TENM1: variants seen among roughly 807,000 people sequenced by gnomAD.
TENM1 encodes teneurin-1.
In TENM1, 35 loss-of-function variants were observed where a neutral mutation model predicts 174.8. That is an observed-to-expected ratio of 0.20 (90% confidence interval 0.15 to 0.27). TENM1 has a LOEUF of 0.27. Among genes scored for constraint, TENM1 ranks in the 10% least tolerant of loss-of-function variants. The pLI, the probability that TENM1 is intolerant of heterozygous loss-of-function variation, is 1.00. For missense variants in TENM1, 1,633 were observed against 2,130.1 expected (o/e 0.77, Z 4.59); for synonymous variants, 781 against 798.7 (o/e 0.98, Z 0.37).
At chrX:124,548,450 T>C (rs1044170604) in intron 14 of TENM1, among the ~76,000 whole-genome samples, 9 of 111,629 alleles carry the variant, frequency 8.1e-5, no homozygotes, top group African/African-American at 2.9e-4. Context: ...CTAACTCTTA[T>C]ACTAGCAAAA....
rs759103048 is a variant in TENM1 at position 124,944,025 on chromosome X, G to T, written c.217+19512C>A. Among the ~76,000 whole-genome samples, 39 of 111,553 alleles carry T rather than the reference G, an allele frequency of 3.5e-4. 1 individual carries two copies. The South Asian group carries it at 0.014, about 41-fold the overall frequency. On this transcript the variant is annotated intron_variant, in intron 1 of 31. Coordinates refer to ENST00000422452, the Ensembl canonical transcript of TENM1. ...TTGATCATTACAATTATCTGAATTT[G>T]CATTTCTAGAATTTCACTGAAAGAA... is the stretch of plus-strand genomic sequence containing the variant.
chrX:125,031,374 G>A, the TENM1 span, among the ~76,000 whole-genome samples: 2 of 111,225 alleles, frequency 1.8e-5, no homozygotes, highest in African/African-American at 6.5e-5. Context: ...TTTCTTTTCT[G>A]GTTATCTTAA....
Position 124,424,881 on chromosome X carries a change from A to G in TENM1, c.4105-2243T>C, listed in dbSNP as rs1470375646. Among the ~76,000 whole-genome samples the G allele has an allele frequency of 9.4e-4, 104 of 110,835 alleles. 1 individual carries two copies. The Admixed American group carries it at 9.9e-3, about 11-fold the overall frequency. ...TCCCCTTCACCTTGGCTATGACTGT[A>G]AGTTTCCTGAGGCCTCCCTAAAAGC... On this transcript the variant is annotated intron_variant, in intron 23 of 31. Coordinates refer to ENST00000422452, the Ensembl canonical transcript of TENM1.
intron 11 of TENM1, among the ~76,000 whole-genome samples, chrX:124,573,464 T>C (rs1362933301): frequency 8.9e-6 from 1 of 111,923 alleles, no homozygotes; most frequent in Non-Finnish European, 1.9e-5. Context: ...CTGTTCATTA[T>C]GTTATCTTAC....
the TENM1 span, among the ~76,000 whole-genome samples, chrX:125,194,495 G>A: frequency 2.1e-4 from 23 of 111,156 alleles, no homozygotes; most frequent in African/African-American, 6.9e-4. Flanking sequence ...CTAACACAAG[G>A]TTGATTCACC....
chrX:124,716,763 A>G (rs2053192419), intron 4 of TENM1, among the ~76,000 whole-genome samples: 1 of 111,586 alleles, frequency 9.0e-6, no homozygotes, highest in Non-Finnish European at 1.9e-5. Context: ...GGTACACGCC[A>G]CTGGAAAAGG....
intron 3 of TENM1, among the ~76,000 whole-genome samples, chrX:124,809,017 T>C (rs561584433): frequency 9.1e-6 from 1 of 110,252 alleles, no homozygotes; most frequent in Middle Eastern, 4.7e-3. Context: ...TAAAAACAAC[T>C]GAAAAGATGA....
chrX:124,731,043 C>G (rs2053553326), intron 4 of TENM1, among the ~76,000 whole-genome samples: 1 of 110,366 alleles, frequency 9.1e-6, no homozygotes, highest in South Asian at 3.9e-4. Flanking sequence ...GTTTGGATTT[C>G]AAAAGAACAG....
chrX:125,038,332 G>A, the TENM1 span, among the ~76,000 whole-genome samples: 1 of 109,909 alleles, frequency 9.1e-6, no homozygotes, highest in Non-Finnish European at 1.9e-5. Context: ...GTTCTGTGAC[G>A]TCGGTCAGGT....
At chrX:124,846,295 A>T (rs1321836866) in intron 3 of TENM1, among the ~76,000 whole-genome samples, 1 of 110,978 alleles carries the variant, frequency 9.0e-6, no homozygotes, top group Non-Finnish European at 1.9e-5. Context: ...ATTTCCCAAT[A>T]AACTTGACTT....
intron 3 of TENM1, among the ~76,000 whole-genome samples, chrX:124,874,397 T>C (rs901728656): frequency 9.0e-6 from 1 of 110,893 alleles, no homozygotes; most frequent in Non-Finnish European, 1.9e-5. Flanking sequence ...ACCATTCTCA[T>C]TTCCTTTACT....
At chrX:125,052,426 G>A in the TENM1 span, among the ~76,000 whole-genome samples, 1 of 111,485 alleles carries the variant, frequency 9.0e-6, no homozygotes, top group African/African-American at 3.3e-5. Context: ...CAAAGTAATT[G>A]GATGCACTGG....
intron 22 of TENM1, among the ~76,000 whole-genome samples, chrX:124,456,783 T>C (rs1354387091): frequency 1.8e-5 from 2 of 111,770 alleles, no homozygotes; most frequent in Non-Finnish European, 3.8e-5. Context: ...GCAGATTCAA[T>C]TTACTTTCCA....
chrX:124,814,520 T>A (rs957300646), intron 3 of TENM1, among the ~76,000 whole-genome samples: 2 of 110,486 alleles, frequency 1.8e-5, no homozygotes, highest in African/African-American at 6.6e-5. Flanking sequence ...CTGCTCCTTA[T>A]CCTAGCTCCC....
the TENM1 span, among the ~76,000 whole-genome samples, chrX:125,092,061 C>T: frequency 1.2e-4 from 13 of 106,821 alleles, no homozygotes; most frequent in African/African-American, 3.1e-4. Flanking sequence ...TCTGCCAATG[C>T]GATGTTTTGA....
the TENM1 span, among the ~76,000 whole-genome samples, chrX:125,106,001 C>T: frequency 8.9e-6 from 1 of 111,826 alleles, no homozygotes; most frequent in African/African-American, 3.3e-5. Context: ...TCCATAGACC[C>T]GCCCACTCAT....
intron 3 of TENM1, among the ~76,000 whole-genome samples, chrX:124,774,847 T>C (rs1380706331): frequency 1.8e-5 from 2 of 110,888 alleles, no homozygotes; most frequent in East Asian, 5.7e-4. Context: ...TCTGAAACTC[T>C]TCCTACTTAA....
At chrX:124,823,030 C>T (rs1218072646) in intron 3 of TENM1, among the ~76,000 whole-genome samples, 2 of 112,040 alleles carry the variant, frequency 1.8e-5, no homozygotes, top group Non-Finnish European at 3.8e-5. Flanking sequence ...TGTGGGAAAA[C>T]GCTCATTGGT....
intron 11 of TENM1, among the ~76,000 whole-genome samples, chrX:124,626,971 T>C (rs1251859881): frequency 8.9e-6 from 1 of 112,489 alleles, no homozygotes; most frequent in Non-Finnish European, 1.9e-5. Context: ...GATTAGATTC[T>C]CCTCTCTAAC....
Sources: gnomAD v4.1 joint callset for allele counts (sites outside exome capture counted in the v4.1 genomes callset) on GRCh38, gnomAD v4.1.1 for gene constraint, MANE v1.5 for transcripts, NCBI Gene and HGNC (gene_info 2026-07-23, HGNC 2026-07-21) for gene names.